The following PHF24 variants were observed in gnomAD, a reference collection of about 807,000 sequenced individuals.
The protein encoded by PHF24 is Galpha inhibitory interacting protein.
In PHF24, 25 loss-of-function variants were observed where a neutral mutation model predicts 42.6. That is an observed-to-expected ratio of 0.59 (90% confidence interval 0.43 to 0.82). The LOEUF (loss-of-function observed/expected upper bound fraction) is 0.82, where lower values mean the gene tolerates loss of function less well. Among genes scored for constraint, PHF24 ranks in the 40% least tolerant of loss-of-function variants. The pLI is 0.00. For missense variants in PHF24, 470 were observed against 538.1 expected (o/e 0.87, Z 1.25); for synonymous variants, 185 against 204.8 (o/e 0.90, Z 0.83).
chr9:34,754,688 C>A, the PHF24 span, among the ~76,000 whole-genome samples: 7 of 152,116 alleles, frequency 4.6e-5, no homozygotes, highest in Admixed American at 3.3e-4. Context: ...TATGACCCAG[C>A]AATCCCACTC....
the PHF24 span, among the ~76,000 whole-genome samples, chr9:34,858,602 C>G: frequency 3.3e-5 from 5 of 152,210 alleles, no homozygotes. Context: ...TCTGTTGGTG[C>G]CAGCCTGGTG....
At chr9:34,945,636 G>A in the PHF24 span, among the ~76,000 whole-genome samples, 4 of 152,126 alleles carry the variant, frequency 2.6e-5, no homozygotes, top group Non-Finnish European at 5.9e-5. Context: ...TGTCATAGGA[G>A]TGGGTTCTTG....
At chr9:34,922,071 G>C in the PHF24 span, 1 of 933,714 alleles carries the variant, frequency 1.1e-6, no homozygotes, top group South Asian at 1.5e-5. Flanking sequence ...AATTCAAATA[G>C]AAGTAACATA....
At chr9:34,977,573 T>C (rs1425561170) in exon 7 of PHF24, 1 of 1,609,842 alleles carries the variant, frequency 6.2e-7, no homozygotes, top group South Asian at 1.1e-5. Flanking sequence ...CCATCGCAGA[T>C]AGCAGCCCAG....
chr9:34,964,307 G>C (rs984023204), intron 1 of PHF24, among the ~76,000 whole-genome samples: 1 of 152,204 alleles, frequency 6.6e-6, no homozygotes, highest in Non-Finnish European at 1.5e-5. Flanking sequence ...TACTCGGGAG[G>C]CTGAGGCAGG....
intron 1 of PHF24, among the ~76,000 whole-genome samples, chr9:34,962,201 A>AC (rs1478245390): frequency 1.3e-5 from 2 of 152,180 alleles, no homozygotes; most frequent in African/African-American, 4.8e-5. Context: ...TACTATCTCA[A>AC]ACCAGTTCTT....
the PHF24 span, among the ~76,000 whole-genome samples, chr9:34,944,292 C>T: frequency 3.3e-5 from 5 of 152,176 alleles, no homozygotes; most frequent in Non-Finnish European, 7.4e-5. Flanking sequence ...TGATGAAGCA[C>T]CCTCAAAATA....
chr9:34,734,223 C>G, the PHF24 span, among the ~76,000 whole-genome samples: 2 of 152,156 alleles, frequency 1.3e-5, no homozygotes, highest in African/African-American at 2.4e-5. Context: ...GAGCCGACTC[C>G]CCCACTTCCC....
chr9:34,887,719 T>C, the PHF24 span, among the ~76,000 whole-genome samples: 1 of 152,218 alleles, frequency 6.6e-6, no homozygotes, highest in Non-Finnish European at 1.5e-5. Context: ...CCCATTACCC[T>C]GATTTTTTTG....
the PHF24 span, among the ~76,000 whole-genome samples, chr9:34,779,092 G>A: frequency 6.6e-6 from 1 of 151,986 alleles, no homozygotes; most frequent in African/African-American, 2.4e-5. Context: ...ATGGAAAGCA[G>A]CAAAAGCAGT....
the PHF24 span, among the ~76,000 whole-genome samples, chr9:34,799,671 C>T: frequency 3.9e-5 from 6 of 152,278 alleles, no homozygotes; most frequent in African/African-American, 1.4e-4. Flanking sequence ...GGGATTGACA[C>T]TATTCTTTGT....
the PHF24 span, among the ~76,000 whole-genome samples, chr9:34,931,729 C>A: frequency 6.6e-6 from 1 of 152,144 alleles, no homozygotes; most frequent in Non-Finnish European, 1.5e-5. Flanking sequence ...CACCATGCTT[C>A]TTATACAGCC....
the PHF24 span, among the ~76,000 whole-genome samples, chr9:34,951,843 G>A: frequency 1.3e-5 from 2 of 152,216 alleles, no homozygotes. Context: ...TGAAGGCTCT[G>A]GATTCTTGCT....
chr9:34,933,568 C>T, the PHF24 span, among the ~76,000 whole-genome samples: 1 of 151,254 alleles, frequency 6.6e-6, no homozygotes, highest in Non-Finnish European at 1.5e-5. Context: ...ACTAAAAATA[C>T]AAAAAAATTA....
At chr9:34,969,065 A>T (rs1826878999) in intron 1 of PHF24, among the ~76,000 whole-genome samples, 2 of 152,228 alleles carry the variant, frequency 1.3e-5, no homozygotes, top group Non-Finnish European at 1.5e-5. Flanking sequence ...CAGAGGGAGT[A>T]TAGCAAATAA....
At chr9:34,836,755 A>G in the PHF24 span, among the ~76,000 whole-genome samples, 1 of 152,220 alleles carries the variant, frequency 6.6e-6, no homozygotes, top group East Asian at 1.9e-4. Context: ...TTTCTCATGC[A>G]AAATCCATTC....
At chr9:34,795,449 C>G in the PHF24 span, among the ~76,000 whole-genome samples, 136,737 of 152,090 alleles carry the variant, frequency 0.9, 62,474 homozygotes, top group Non-Finnish European at 0.99. Context: ...TGCTAGGAGA[C>G]CTAGTCTACA....
the PHF24 span, among the ~76,000 whole-genome samples, chr9:34,716,799 G>T: frequency 6.6e-6 from 1 of 152,022 alleles, no homozygotes; most frequent in Non-Finnish European, 1.5e-5. Context: ...GTAGAAAGGG[G>T]GTTTCACCAT....
the PHF24 span, among the ~76,000 whole-genome samples, chr9:34,839,645 C>T: frequency 4.6e-5 from 7 of 152,148 alleles, no homozygotes; most frequent in Non-Finnish European, 1.0e-4. Flanking sequence ...CATCCTTTAC[C>T]TCACTGGCAT....
Sources: gnomAD v4.1 joint callset for allele counts (sites outside exome capture counted in the v4.1 genomes callset) on GRCh38, gnomAD v4.1.1 for gene constraint, MANE v1.5 for transcripts, NCBI Gene and HGNC (gene_info 2026-07-23, HGNC 2026-07-21) for gene names.